FGF14: variants seen among roughly 807,000 people sequenced by gnomAD.
The protein encoded by FGF14 is fibroblast growth factor homologous factor 4.
FGF14 carries 5 observed loss-of-function variants against 25.5 expected under a neutral mutation model. That is an observed-to-expected ratio of 0.20 (90% CI 0.10 to 0.41). FGF14 has a LOEUF of 0.41. Ranked by LOEUF, FGF14 falls within the 10% of genes least tolerant of loss-of-function variation. The pLI is 1.00. For missense variants in FGF14, 222 were observed against 320.1 expected, an observed-to-expected ratio of 0.69 and a Z score of 2.34; for synonymous variants, 138 against 118.3, an observed-to-expected ratio of 1.17 and a Z score of -1.08.
intron 1 of FGF14, among the ~76,000 whole-genome samples, chr13:102,153,816 G>A (rs552747947): frequency 2.0e-5 from 3 of 152,068 alleles, no homozygotes; most frequent in Non-Finnish European, 4.4e-5. Flanking sequence ...GAGAGAGAAG[G>A]ACGAATCACA....
chr13:101,916,368 A>G, intron 1 of FGF14, 85 bp downstream of exon 1: 1 of 1,525,168 alleles, frequency 6.6e-7, no homozygotes, highest in South Asian at 1.1e-5. Context: ...GGGAAAACCG[A>G]GGGAGGGAAG....
chr13:102,042,892 T>TG (rs1345849394), intron 1 of FGF14, among the ~76,000 whole-genome samples: 1 of 152,192 alleles, frequency 6.6e-6, no homozygotes, highest in East Asian at 1.9e-4. Context: ...CTTTGCGTAT[T>TG]GTAGAATATG....
intron 1 of FGF14, among the ~76,000 whole-genome samples, chr13:102,210,567 C>A (rs1566820986): frequency 1.3e-5 from 2 of 152,072 alleles, no homozygotes; most frequent in Non-Finnish European, 2.9e-5. Context: ...AGTGCAAAAG[C>A]AAAACAGCTG....
chr13:101,909,765 T>A (rs1221459764), intron 1 of FGF14, among the ~76,000 whole-genome samples: 1 of 152,198 alleles, frequency 6.6e-6, no homozygotes, highest in Non-Finnish European at 1.5e-5. Context: ...GGACTATAAA[T>A]CATGCTTCTG....
intron 1 of FGF14, among the ~76,000 whole-genome samples, chr13:102,141,629 A>T (rs2046646942): frequency 6.6e-6 from 1 of 152,330 alleles, no homozygotes; most frequent in African/African-American, 2.4e-5. Flanking sequence ...TGCTAGGGTT[A>T]TTTCTCCAAT....
In FGF14 at chr13:102,340,440, T is replaced by TACACACAC. The variant is rs139037869; in HGVS notation, c.208+61023_208+61030dup. Among the ~76,000 whole-genome samples, 63 of 148,696 alleles carry TACACACAC rather than the reference T, an allele frequency of 4.2e-4. 1 individual carries two copies. The highest frequency in any genetic ancestry group is 1.5e-3 in the African/African-American group (61 of 40,824). On this transcript the variant is annotated intron_variant, in intron 1 of 4. Transcript: ENST00000376131. ...ACATCCTTGCCACAGTACAAACACA[T>TACACACAC]ACACACACACACACACACACACGCC...
chr13:102,259,694 T>C (rs2052622719), intron 1 of FGF14, among the ~76,000 whole-genome samples: 1 of 152,188 alleles, frequency 6.6e-6, no homozygotes, highest in Non-Finnish European at 1.5e-5. Flanking sequence ...ACAGTCTAGG[T>C]TCGCCACATA....
At chr13:102,281,957 G>C (rs1167603557) in intron 1 of FGF14, among the ~76,000 whole-genome samples, 1 of 151,890 alleles carries the variant, frequency 6.6e-6, no homozygotes, top group Non-Finnish European at 1.5e-5. Flanking sequence ...AAAATCATAT[G>C]TCCGTACTGC....
intron 1 of FGF14, among the ~76,000 whole-genome samples, chr13:102,271,116 A>G (rs2053224376): frequency 6.6e-6 from 1 of 152,172 alleles, no homozygotes; most frequent in Admixed American, 6.6e-5. Context: ...TGAAGGAGTG[A>G]TTTAGTCAAT....
At chr13:102,179,016 A>G (rs1420765953) in intron 1 of FGF14, among the ~76,000 whole-genome samples, 1 of 152,116 alleles carries the variant, frequency 6.6e-6, no homozygotes, top group Non-Finnish European at 1.5e-5. Flanking sequence ...TAAAAAAGTA[A>G]AAAGAGAAAT....
chr13:102,036,646 A>G (rs1470811084), intron 1 of FGF14, among the ~76,000 whole-genome samples: 1 of 152,016 alleles, frequency 6.6e-6, no homozygotes, highest in Non-Finnish European at 1.5e-5. Context: ...TAAAGTTTGG[A>G]TCAAAGAGGA....
chr13:102,299,449 G>A (rs757157833), intron 1 of FGF14, among the ~76,000 whole-genome samples: 1 of 152,124 alleles, frequency 6.6e-6, no homozygotes, highest in Non-Finnish European at 1.5e-5. Flanking sequence ...GAATTTCAGC[G>A]TGTGGCTTGG....
At chr13:101,909,607 G>C (rs1346818577) in intron 1 of FGF14, among the ~76,000 whole-genome samples, 5 of 152,210 alleles carry the variant, frequency 3.3e-5, no homozygotes, top group Non-Finnish European at 4.4e-5. Flanking sequence ...TGATAGAGAG[G>C]ATGTGGAGAA....
At chr13:102,101,202 CCTTTA>C (rs1426987636) in intron 1 of FGF14, among the ~76,000 whole-genome samples, 2 of 152,028 alleles carry the variant, frequency 1.3e-5, no homozygotes, top group Non-Finnish European at 2.9e-5. Context: ...TTTTCATGAC[CCTTTA>C]CTTATCTCCT....
intron 1 of FGF14, among the ~76,000 whole-genome samples, chr13:102,388,348 T>A (rs1479538569): frequency 6.6e-6 from 1 of 152,204 alleles, no homozygotes; most frequent in African/African-American, 2.4e-5. Context: ...AGATGTATAA[T>A]GTATGCTCAG....
chr13:101,943,565 GA>G (rs2035586517), intron 1 of FGF14, among the ~76,000 whole-genome samples: 1 of 152,126 alleles, frequency 6.6e-6, no homozygotes, highest in Non-Finnish European at 1.5e-5. Context: ...CAGGGGTTGA[GA>G]AAAGCTGCTG....
At chr13:102,041,015 C>A (rs1414922357) in intron 1 of FGF14, among the ~76,000 whole-genome samples, 1 of 151,974 alleles carries the variant, frequency 6.6e-6, no homozygotes, top group Non-Finnish European at 1.5e-5. Context: ...CCATACCCAG[C>A]AGGTGCTCAA....
chr13:102,144,846 T>C (rs1379938967), intron 1 of FGF14, among the ~76,000 whole-genome samples: 1 of 152,126 alleles, frequency 6.6e-6, no homozygotes, highest in Non-Finnish European at 1.5e-5. Context: ...GAACATCACA[T>C]AAACACAAAT....
At position 101,816,269 on chromosome 13, in the gene FGF14, C is replaced by CAAAAAAAAAAAAAAAAAAAAAA. The variant is rs58615099; in HGVS notation, c.408+52455_408+52456insTTTTTTTTTTTTTTTTTTTTTT. Reference sequence around the variant, plus strand: ...TGGGGAACAGAGAGAGACTCCGTCTCAAAAAAAAAAAAAAAATTTGGCTTA... The same window carrying CAAAAAAAAAAAAAAAAAAAAAA: ...TGGGGAACAGAGAGAGACTCCGTCTCAAAAAAAAAAAAAAAAAAAAAAAAAAAAAAAAAAAAAATTTGGCTTA... On this transcript the variant is annotated intron_variant, in intron 3 of 4. Transcript: ENST00000376143. Among the ~76,000 whole-genome samples, 47 of 89,010 alleles carry CAAAAAAAAAAAAAAAAAAAAAA rather than the reference C, an allele frequency of 5.3e-4. 2 individuals are homozygous for CAAAAAAAAAAAAAAAAAAAAAA. The highest frequency in any genetic ancestry group is 2.2e-3 in the African/African-American group (45 of 20,112). 58.4% of individuals were successfully genotyped at this position (89,010 alleles called of 152,430 possible).
Sources: gnomAD v4.1 joint callset for allele counts (sites outside exome capture counted in the v4.1 genomes callset) on GRCh38, gnomAD v4.1.1 for gene constraint, MANE v1.5 for transcripts, NCBI Gene and HGNC (gene_info 2026-07-23, HGNC 2026-07-21) for gene names.